The following PLXNA4 variants were observed in gnomAD, a reference collection of about 807,000 sequenced individuals.
PLXNA4 encodes plexin A4.
PLXNA4 carries 44 observed loss-of-function variants against 191.8 expected under a neutral mutation model. The observed-to-expected ratio is 0.23, with a 90% CI of 0.18 to 0.29. PLXNA4 has a LOEUF of 0.29. Among genes scored for constraint, PLXNA4 ranks in the 10% least tolerant of loss-of-function variants. The pLI, the probability that PLXNA4 is intolerant of heterozygous loss-of-function variation, is 1.00. For missense variants in PLXNA4, 1,800 were observed against 2,488.8 expected (o/e 0.72, Z 5.89); for synonymous variants, 1,082 against 1,009.5 (o/e 1.07, Z -1.36).
Position 132,507,806 on chromosome 7 carries a change from C to G in PLXNA4, c.888G>C (p.Val296=), listed in dbSNP as rs758140704. ...EDTAFNSYVE[V]PIGCERSGVE... ...CCCCACTGCGCTCACAGCCAATGGG[C>G]ACCTCTACATAGGAGTTGAAGGCTG... Residue 296 remains valine, a synonymous_variant, in exon 2 of 32, where the codon GTG becomes GTC. Transcript: ENST00000321063. The G allele has an allele frequency of 6.2e-7, 1 of 1,614,046 alleles. No individual in the cohort carries two copies. The highest frequency in any genetic ancestry group is 1.7e-5 in the Admixed American group (1 of 60,004).
chr7:132,619,832 G>T (rs1030506344), intron 2 of PLXNA4, among the ~76,000 whole-genome samples: 29 of 146,584 alleles, frequency 2.0e-4, no homozygotes, highest in African/African-American at 6.8e-4. Context: ...ACGGAGTCTC[G>T]CTCTATTGCC....
intron 3 of PLXNA4, among the ~76,000 whole-genome samples, chr7:132,301,400 G>C (rs368459634): frequency 3.3e-5 from 5 of 152,130 alleles, no homozygotes; most frequent in African/African-American, 9.7e-5. Flanking sequence ...ACAATGATAG[G>C]CATTTTATAT....
chr7:132,328,726 G>A (rs377582365), intron 3 of PLXNA4, among the ~76,000 whole-genome samples: 17 of 152,296 alleles, frequency 1.1e-4, no homozygotes, highest in African/African-American at 3.6e-4. Context: ...TTCCAGGCCC[G>A]GGCAAACCAG....
chr7:132,180,703 C>A lies in PLXNA4; in HGVS notation c.3522G>T (p.Gly1174=), dbSNP rs1477501421. Residue 1174 remains glycine (G), a synonymous_variant, in exon 19 of 32, where the codon GGG becomes GGT. Coordinates refer to ENST00000321063, the MANE Select transcript of PLXNA4 (RefSeq NM_020911.2). ...CAGTGTAGTTCAGCTTCACGTTGCC[C>A]CCAGCCACAGGCGGGATCAGGTTCT... ...KGKNLIPPVA[G]GNVKLNYTVL... 6.2e-7 allele frequency: 1 copy of A among 1,614,134 alleles called. No homozygotes were observed. The highest frequency in any genetic ancestry group is 1.1e-5 in the South Asian group (1 of 91,082).
chr7:132,433,276 T>C (rs1250839812), intron 3 of PLXNA4, among the ~76,000 whole-genome samples: 3 of 152,228 alleles, frequency 2.0e-5, no homozygotes, highest in Non-Finnish European at 4.4e-5. Flanking sequence ...TGGTTTGATG[T>C]CACCTTTTGT....
intron 4 of PLXNA4, among the ~76,000 whole-genome samples, chr7:132,264,539 C>A (rs1349717651): frequency 6.6e-6 from 1 of 152,146 alleles, no homozygotes; most frequent in Non-Finnish European, 1.5e-5. Flanking sequence ...TTTGTGGCCC[C>A]TCTGCTACTT....
chr7:132,239,300 C>T lies in PLXNA4; in HGVS notation c.1604+1766G>A, dbSNP rs545479043. The stretch of plus-strand genomic sequence containing the variant: ...TGGGGGTGGGAGGTGGGGGTTCTCA[C>T]AGTCTCTCTGGTGCCTTCTCCAAGC... On this transcript the variant is annotated intron_variant, in intron 5 of 31. Transcript: ENST00000321063. Among the ~76,000 whole-genome samples, 3 of 152,312 alleles carry T rather than the reference C, an allele frequency of 2.0e-5. No individual in the cohort carries two copies. In the East Asian group the frequency reaches 5.8e-4, roughly 29 times the overall value.
At chr7:132,247,540 G>A (rs978103564) in intron 4 of PLXNA4, among the ~76,000 whole-genome samples, 2 of 152,204 alleles carry the variant, frequency 1.3e-5, no homozygotes, top group African/African-American at 4.8e-5. Flanking sequence ...CCGAGCAGAG[G>A]AAGTAGAGTT....
chr7:132,505,351 G>A (rs907608393), intron 2 of PLXNA4, among the ~76,000 whole-genome samples: 1 of 152,194 alleles, frequency 6.6e-6, no homozygotes, highest in Admixed American at 6.5e-5. Flanking sequence ...ACTTGCCCAT[G>A]GGCAGCCAGA....
At position 132,125,482 on chromosome 7, in the gene PLXNA4, C is replaced by T. The variant is rs1309863407; in HGVS notation, c.*4997G>A. Reference sequence around the variant, plus strand: ...ATCCCCTTGGAAGTCATAGGTTTTGCTCCCACTAACCGAGTAATTTGGACT... The same window carrying T: ...ATCCCCTTGGAAGTCATAGGTTTTGTTCCCACTAACCGAGTAATTTGGACT... On this transcript the variant is annotated 3_prime_UTR_variant, in exon 32 of 32. Transcript: ENST00000321063. The T allele has an allele frequency of 6.6e-6, 1 of 152,120 alleles. No individual in the cohort carries two copies. The highest frequency in any genetic ancestry group is 2.4e-5 in the African/African-American group (1 of 41,422). 9.4% of individuals were successfully genotyped at this position (152,120 alleles called of 1,614,324 possible). A position where few individuals can be genotyped will look rare whatever the true frequency, so the allele number is the denominator to read the frequency against.
chr7:132,508,401 G>C lies in PLXNA4; in HGVS notation c.293C>G (p.Pro98Arg), dbSNP rs1217644781. 2 of 1,614,178 alleles carry C rather than the reference G, an allele frequency of 1.2e-6. No homozygotes were observed. Among genetic ancestry groups the C allele is most frequent in the Non-Finnish European group, 1.7e-6 (2 of 1,180,034 alleles). Reference sequence around the variant, plus strand: ...CTCATTGCAGGTCTGGACGATGCGGGGTGGGTAACACTTGGGGTTGTCCTC... The same window carrying C: ...CTCATTGCAGGTCTGGACGATGCGGCGTGGGTAACACTTGGGGTTGTCCTC... ...PDEDNPKCYP[P>R]RIVQTCNEPL... The change falls in exon 2 of 32, where the codon CCC (proline) becomes CGC (arginine). Residue 98 changes from proline (P) to arginine (R), a missense_variant. Around this residue, in one of 6 missense-constraint regions of PLXNA4, gnomAD observed 1,397 missense variants for 1,880.4 expected, o/e 0.74. Transcript: ENST00000321063. This position sits in a 1 kb window ranked among gnomAD's most constrained non-coding sequence, Gnocchi z 4.4.
At chr7:132,399,300 T>A (rs1409565266) in intron 3 of PLXNA4, among the ~76,000 whole-genome samples, 1 of 152,132 alleles carries the variant, frequency 6.6e-6, no homozygotes, top group Non-Finnish European at 1.5e-5. Flanking sequence ...GACACAGGCC[T>A]TAGAGGGACT....
chr7:132,196,277 C>T lies in PLXNA4; in HGVS notation c.2739-2098G>A, dbSNP rs183663174. Among the ~76,000 whole-genome samples the T allele has an allele frequency of 2.3e-3, 350 of 152,362 alleles. 1 individual carries two copies. Among genetic ancestry groups the T allele is most frequent in the Non-Finnish European group, 3.6e-3 (247 of 68,036 alleles). The stretch of plus-strand genomic sequence containing the variant: ...AAGCTCTTGCCTACCTACCATGCCA[C>T]GCTGCCTTGCACCCATGTGTAATAT... On this transcript the variant is annotated intron_variant, in intron 13 of 31. Coordinates refer to ENST00000321063, the MANE Select transcript of PLXNA4 (RefSeq NM_020911.2).
intron 16 of PLXNA4, among the ~76,000 whole-genome samples, chr7:132,184,332 C>T (rs1677860222): frequency 6.6e-6 from 1 of 152,236 alleles, no homozygotes; most frequent in Non-Finnish European, 1.5e-5. Context: ...CAGGTGAGAA[C>T]TGTTAAGGCC....
chr7:132,525,723 G>C (rs1432068865), intron 1 of PLXNA4, among the ~76,000 whole-genome samples: 1 of 152,120 alleles, frequency 6.6e-6, no homozygotes, highest in Admixed American at 6.5e-5. Context: ...TGCATCTCCA[G>C]ACCCACAGGA....
chr7:132,438,751 T>G (rs930535875), intron 3 of PLXNA4, among the ~76,000 whole-genome samples: 61 of 152,330 alleles, frequency 4.0e-4, no homozygotes, highest in African/African-American at 1.5e-3. Flanking sequence ...CTGTGGAGTT[T>G]TAGATGTGCT....
chr7:132,344,834 T>C (rs58291665), intron 3 of PLXNA4, among the ~76,000 whole-genome samples: 3,259 of 152,292 alleles, frequency 0.021, 131 homozygotes, highest in African/African-American at 0.074. Flanking sequence ...TAATAACATC[T>C]GCAAGGCTTG....
chr7:132,384,453 G>C, intron 3 of PLXNA4: 1 of 985,584 alleles, frequency 1.0e-6, no homozygotes, highest in East Asian at 1.1e-4. Context: ...ATGGAATTGT[G>C]CTGGATAGTG....
intron 1 of PLXNA4, among the ~76,000 whole-genome samples, chr7:132,552,694 T>G (rs1254586188): frequency 6.6e-6 from 1 of 152,162 alleles, no homozygotes; most frequent in East Asian, 1.9e-4. Context: ...TCCATTTTCT[T>G]CATCTGGAGA....
Sources: gnomAD v4.1 joint callset for allele counts (sites outside exome capture counted in the v4.1 genomes callset) on GRCh38, gnomAD v4.1.1 for gene constraint, gnomAD v4.1.1 regional missense constraint, Gnocchi (gnomAD v3.1) non-coding constraint, MANE v1.5 for transcripts, NCBI Gene and HGNC (gene_info 2026-07-23, HGNC 2026-07-21) for gene names.